The following SEC61A2 variants were observed in gnomAD, a reference collection of about 807,000 sequenced individuals.
SEC61A2 encodes the protein protein transport protein Sec61 subunit alpha isoform 2.
Under a neutral mutation model 59.9 loss-of-function variants are expected in SEC61A2, and 28 were observed. The ratio of observed to expected loss-of-function variants is 0.47; its 90% confidence interval spans 0.35 to 0.64. The LOEUF (loss-of-function observed/expected upper bound fraction) is 0.64. Ranked by LOEUF, SEC61A2 falls within the 30% of genes least tolerant of loss-of-function variation. The pLI is 0.01. For missense variants in SEC61A2, 340 were observed against 585.9 expected (o/e 0.58, Z 4.33); for synonymous variants, 202 against 214.4 (o/e 0.94, Z 0.50).
intron 8 of SEC61A2, among the ~76,000 whole-genome samples, chr10:12,157,591 C>T (rs1366055375): frequency 1.3e-5 from 2 of 151,576 alleles, no homozygotes; most frequent in Admixed American, 6.6e-5. Flanking sequence ...CAACCTCCGC[C>T]TCCTGGGTTC....
Position 12,149,804 on chromosome 10 carries a change from T to C in SEC61A2, c.353-48T>C, listed in dbSNP as rs1352504331. ...TAAAGATGTTTTCTCTAGTCTTTTC[T>C]TGTCTTTGGTGGTAAGCGTGCTCTC... On this transcript the variant is annotated intron_variant, in intron 5 of 11. Coordinates refer to ENST00000298428, the MANE Select transcript of SEC61A2 (RefSeq NM_018144.4). The surrounding 1 kb of genome is among the most constrained non-coding windows in gnomAD (Gnocchi z 5.2). 1.2e-6 allele frequency: 2 copies of C among 1,607,186 alleles called. No individual in the cohort carries two copies. Among genetic ancestry groups the C allele is most frequent in the African/African-American group, 2.7e-5 (2 of 74,586 alleles).
intron 3 of SEC61A2, among the ~76,000 whole-genome samples, chr10:12,137,556 G>A (rs1833916990): frequency 6.6e-6 from 1 of 151,890 alleles, no homozygotes; most frequent in South Asian, 2.1e-4. Flanking sequence ...CCATCTACCT[G>A]TATCTCCCAC....
Position 12,153,955 on chromosome 10 carries a change from T to C in SEC61A2, c.463-1823T>C, listed in dbSNP as rs894162255. ...CTTGACTAAAAATTTTAAAAAACTA[T>C]TAGAGAATATCAGTGTGCATGGCAC... is the stretch of plus-strand genomic sequence containing the variant. On this transcript the variant is annotated intron_variant, in intron 6 of 11. Coordinates refer to ENST00000298428, the MANE Select transcript of SEC61A2 (RefSeq NM_018144.4). This position sits in a 1 kb window ranked among gnomAD's most constrained non-coding sequence, Gnocchi z 5.2. The C allele has an allele frequency of 1.5e-6, 1 of 653,718 alleles. No homozygotes were observed. The highest frequency in any genetic ancestry group is 2.5e-6 in the Non-Finnish European group (1 of 405,432). 40.5% of individuals were successfully genotyped at this position (653,718 alleles called of 1,614,324 possible). A position where few individuals can be genotyped will look rare whatever the true frequency, so the allele number is the denominator to read the frequency against.
chr10:12,142,208 A>G lies in SEC61A2; in HGVS notation c.142-909A>G, dbSNP rs1287447947. ...CACTAAGGACTGTAAATAAAGCAGG[A>G]ATCAGGAGGTATCCCTGAGACCAGG... On this transcript the variant is annotated intron_variant, in intron 3 of 11. Coordinates refer to ENST00000298428, the MANE Select transcript of SEC61A2 (RefSeq NM_018144.4). This position sits in a 1 kb window ranked among gnomAD's most constrained non-coding sequence, Gnocchi z 5.4. 6.6e-6 allele frequency among the ~76,000 whole-genome samples: 1 copy of G among 152,176 alleles called. No homozygotes were observed. Among genetic ancestry groups the G allele is most frequent in the Non-Finnish European group, 1.5e-5 (1 of 68,036 alleles).
At chr10:12,133,619 G>A (rs112323966) in intron 2 of SEC61A2, among the ~76,000 whole-genome samples, 119 of 152,316 alleles carry the variant, frequency 7.8e-4, no homozygotes, top group African/African-American at 2.8e-3. Flanking sequence ...AAATCCTGTA[G>A]TATTGGGTGT....
Position 12,153,861 on chromosome 10 carries a change from A to T in SEC61A2, c.463-1917A>T. 1.3e-6 allele frequency: 2 copies of T among 1,505,916 alleles called. No homozygotes were observed. Among genetic ancestry groups the T allele is most frequent in the Non-Finnish European group, 1.8e-6 (2 of 1,113,866 alleles). 93.3% of individuals were successfully genotyped at this position (1,505,916 alleles called of 1,614,324 possible). ...CGTTGTGGAAGGTATTTCTCACCTT[A>T]TTTGTTTATGTTTCATTCACGTGGT... On this transcript the variant is annotated intron_variant, in intron 6 of 11. Coordinates refer to ENST00000298428, the MANE Select transcript of SEC61A2 (RefSeq NM_018144.4). This position sits in a 1 kb window ranked among gnomAD's most constrained non-coding sequence, Gnocchi z 5.2.
rs765303533 is a variant in SEC61A2 at position 12,152,090 on chromosome 10, A to G, written c.462+2129A>G. On this transcript the variant is annotated intron_variant, in intron 6 of 11. Coordinates refer to ENST00000298428, the MANE Select transcript of SEC61A2 (RefSeq NM_018144.4). The surrounding 1 kb of genome is among the most constrained non-coding windows in gnomAD (Gnocchi z 5.5). ...GTTTTGTCATTTGACCAGGGCAGGAATTTTTTTTTTCGAGACGGAGTCCTG... is the reference window on the plus strand; with the variant it reads ...GTTTTGTCATTTGACCAGGGCAGGAGTTTTTTTTTTCGAGACGGAGTCCTG... Among the ~76,000 whole-genome samples the G allele has an allele frequency of 6.6e-6, 1 of 150,878 alleles. No homozygotes were observed. The highest frequency in any genetic ancestry group is 6.6e-5 in the Admixed American group (1 of 15,114).
At chr10:12,140,717 C>A (rs895865988) in intron 3 of SEC61A2, among the ~76,000 whole-genome samples, 1 of 151,058 alleles carries the variant, frequency 6.6e-6, no homozygotes, top group Non-Finnish European at 1.5e-5. Flanking sequence ...TCCCTCAGCC[C>A]CCGGAGTAGC....
At position 12,156,998 on chromosome 10, in the gene SEC61A2, G is replaced by A; in HGVS notation, c.708G>A (p.Arg236=). ...KVRALREAFY[R]QNLPNLMNLI... ...GAGCTTTACGGGAGGCTTTTTATCG[G>A]CAGAACTTACCCAATCTCATGAACC... The change falls in exon 8 of 12, where the codon CGG becomes CGA. Residue 236 remains arginine (R), a synonymous_variant. Transcript: ENST00000298428. This position sits in a 1 kb window ranked among gnomAD's most constrained non-coding sequence, Gnocchi z 5.2. The A allele has an allele frequency of 6.2e-7, 1 of 1,614,074 alleles. No homozygotes were observed. Among genetic ancestry groups the A allele is most frequent in the Non-Finnish European group, 8.5e-7 (1 of 1,179,956 alleles).
intron 9 of SEC61A2, among the ~76,000 whole-genome samples, chr10:12,159,653 G>T (rs1834485191): frequency 6.6e-6 from 1 of 152,154 alleles, no homozygotes; most frequent in South Asian, 2.1e-4. Context: ...TCATACCACT[G>T]CATGCCAGCC....
chr10:12,131,682 C>CTTTTTTTTTTTTTT (rs1199525836), intron 1 of SEC61A2, among the ~76,000 whole-genome samples: 1 of 46,538 alleles, frequency 2.1e-5, no homozygotes, highest in Non-Finnish European at 4.1e-5. Context: ...GATTACATAC[C>CTTTTTTTTTTTTTT]TTTTTTTTTT....
intron 9 of SEC61A2, among the ~76,000 whole-genome samples, chr10:12,159,617 G>A (rs537984754): frequency 1.0e-3 from 158 of 152,242 alleles, no homozygotes; most frequent in African/African-American, 3.7e-3. Context: ...TTGAGCCCAG[G>A]AGTTTGAAGG....
rs1323437649 is a variant in SEC61A2, at chr10:12,162,222, CA to C, written c.1178del (p.Gln393ArgfsTer2). The C allele has an allele frequency of 6.2e-7, 1 of 1,613,246 alleles. No individual in the cohort carries two copies. The highest frequency in any genetic ancestry group is 1.7e-5 in the Admixed American group (1 of 59,974). ...SGSSAKDVAK[Q>X]LKEQQMVMRG... is the part of the protein sequence containing the mutation. The stretch of plus-strand genomic sequence containing the variant: ...GTTTTTCTCTCGGCAGGTAGCTAAA[CA>C]GCTGAAAGAACAGCAGATGGTAATG... On this transcript the variant is annotated frameshift_variant, in exon 11 of 12. Coordinates refer to ENST00000298428, the MANE Select transcript of SEC61A2 (RefSeq NM_018144.4). LOFTEE classifies it high-confidence loss of function. The surrounding 1 kb of genome is among the most constrained non-coding windows in gnomAD (Gnocchi z 6.1).
Position 12,129,749 on chromosome 10 carries a change from G to C in SEC61A2, c.-39G>C. On this transcript the variant is annotated 5_prime_UTR_variant, in exon 1 of 12. Transcript: ENST00000298428. The surrounding 1 kb of genome is among the most constrained non-coding windows in gnomAD (Gnocchi z 5.6). ...GCGGGAGTCGAGCGAAGGCAGCGCC[G>C]AGGCCGCGGTTTCCCCCTGGGCCTC... 1 of 1,487,412 alleles carries C rather than the reference G, an allele frequency of 6.7e-7. No homozygotes were observed. Among genetic ancestry groups the C allele is most frequent in the South Asian group, 1.3e-5 (1 of 79,186 alleles). The allele number at this position is 1,487,412 out of a possible 1,614,324, so 92.1% of individuals were successfully genotyped here. A position where few individuals can be genotyped will look rare whatever the true frequency, so the allele number is the denominator to read the frequency against.
chr10:12,155,244 G>T lies in SEC61A2; in HGVS notation c.463-534G>T. On this transcript the variant is annotated intron_variant, in intron 6 of 11. Coordinates refer to ENST00000298428, the MANE Select transcript of SEC61A2 (RefSeq NM_018144.4). The surrounding 1 kb of genome is among the most constrained non-coding windows in gnomAD (Gnocchi z 4.3). Reference sequence around the variant, plus strand: ...TATTTGAGTACATATTTGTGTTCTAGTTTTTTATTCTGTACACATTTTATA... The same window carrying T: ...TATTTGAGTACATATTTGTGTTCTATTTTTTTATTCTGTACACATTTTATA... The T allele has an allele frequency of 8.6e-7, 1 of 1,159,434 alleles. No homozygotes were observed. The highest frequency in any genetic ancestry group is 1.1e-6 in the Non-Finnish European group (1 of 882,580). The allele number at this position is 1,159,434 out of a possible 1,614,324, so 71.8% of individuals were successfully genotyped here. A position where few individuals can be genotyped will look rare whatever the true frequency, so the allele number is the denominator to read the frequency against.
At chr10:12,133,650 G>A (rs1216138466) in intron 2 of SEC61A2, among the ~76,000 whole-genome samples, 1 of 152,210 alleles carries the variant, frequency 6.6e-6, no homozygotes. Context: ...TGCTAATGAT[G>A]TCACCTACTG....
In SEC61A2 at chr10:12,160,115, G is replaced by C. The variant is rs894684886; in HGVS notation, c.976-815G>C. On this transcript the variant is annotated intron_variant, in intron 9 of 11. Coordinates refer to ENST00000298428, the MANE Select transcript of SEC61A2 (RefSeq NM_018144.4). This position sits in a 1 kb window ranked among gnomAD's most constrained non-coding sequence, Gnocchi z 4.1. ...CCCTCCTTAGAATAGTCCAGCAGCAGCTATTACTCTGATCAGAATGTCATA... is the reference window on the plus strand; with the variant it reads ...CCCTCCTTAGAATAGTCCAGCAGCACCTATTACTCTGATCAGAATGTCATA... 6.6e-6 allele frequency among the ~76,000 whole-genome samples: 1 copy of C among 152,106 alleles called. No homozygotes were observed. Among genetic ancestry groups the C allele is most frequent in the Non-Finnish European group, 1.5e-5 (1 of 68,034 alleles).
intron 1 of SEC61A2, among the ~76,000 whole-genome samples, chr10:12,131,847 C>A (rs1167056044): frequency 7.7e-6 from 1 of 129,726 alleles, no homozygotes; most frequent in African/African-American, 2.8e-5. Context: ...CCCGCCACCA[C>A]GCCCTGCTAA....
intron 11 of SEC61A2, among the ~76,000 whole-genome samples, chr10:12,163,937 C>T (rs1175846766): frequency 6.6e-6 from 1 of 152,132 alleles, no homozygotes; most frequent in African/African-American, 2.4e-5. Flanking sequence ...CTCTTCATTC[C>T]ACAAGAGGGA....
Sources: allele counts gnomAD v4.1 joint callset (sites outside exome capture counted in the v4.1 genomes callset), GRCh38; gene constraint gnomAD v4.1.1; non-coding constraint Gnocchi (gnomAD v3.1); transcripts MANE v1.5; gene names NCBI Gene and HGNC (gene_info 2026-07-23, HGNC 2026-07-21).